The following STOML1 variants were observed in gnomAD, a reference collection of about 807,000 sequenced individuals.
STOML1 encodes stomatin-like protein 1.
In STOML1, 27 loss-of-function variants were observed where a neutral mutation model predicts 35.7. The observed-to-expected ratio is 0.76, with a 90% confidence interval of 0.56 to 1.04. The LOEUF (loss-of-function observed/expected upper bound fraction) is 1.04. Among genes scored for constraint, STOML1 ranks in the 50% least tolerant of loss-of-function variants. The pLI, the probability that STOML1 is intolerant of heterozygous loss-of-function variation, is 0.00. For synonymous variants in STOML1, 219 were observed against 227.9 expected (o/e 0.96, Z 0.35); for missense variants, 451 against 527.1 (o/e 0.86, Z 1.41).
rs1252435123 is a variant in STOML1, at chr15:73,983,663, T to C, written c.*274A>G. On this transcript the variant is annotated 3_prime_UTR_variant, in exon 7 of 7. Transcript: ENST00000541638. ...CAGCAGGGCAGGGCAGGCCTGGCTC[T>C]CCTCCTGGAATCACACCGTGCACCC... 7 of 381,226 alleles carry C rather than the reference T, an allele frequency of 1.8e-5. No homozygotes were observed. Among genetic ancestry groups the C allele is most frequent in the Middle Eastern group, 7.0e-4 (1 of 1,426 alleles). The allele number at this position is 381,226 out of a possible 1,614,324, so 23.6% of individuals were successfully genotyped here. A position where few individuals can be genotyped will look rare whatever the true frequency, so the allele number is the denominator to read the frequency against.
chr15:73,986,458 G>C (rs1403781752), intron 4 of STOML1: 1 of 152,496 alleles, frequency 6.6e-6, no homozygotes, highest in African/African-American at 2.4e-5. Context: ...GCTAGGGCAG[G>C]ACATTGTGAA....
upstream of STOML1, among the ~76,000 whole-genome samples, chr15:73,994,312 T>A (rs1372088801): frequency 1.3e-5 from 2 of 152,214 alleles, no homozygotes; most frequent in Non-Finnish European, 2.9e-5. Context: ...CTGGTGAATT[T>A]CCACTGCTTT....
chr15:73,988,648 G>A lies in STOML1; in HGVS notation c.545C>T (p.Pro182Leu), dbSNP rs778456277. 2.2e-5 allele frequency: 35 copies of A among 1,614,114 alleles called. No individual in the cohort carries two copies. The highest frequency in any genetic ancestry group is 1.6e-4 in the Middle Eastern group (1 of 6,084). The change falls in exon 4 of 7, where the codon CCG (proline) becomes CTG (leucine). Residue 182 changes from proline (P) to leucine (L), a missense_variant. Pro to Leu is a moderately conservative substitution (Grantham distance 98). Transcript: ENST00000541638. The surrounding 1 kb of genome is among the most constrained non-coding windows in gnomAD (Gnocchi z 4.8). ...NAMTKALLKR[P>L]LREIQMEKLK... is the part of the protein sequence containing the mutation. ...CTTCTCCATCTGGATCTCCCGCAGCGGCCTCTTGAGCAGGGCCTTGGTCAT... is the reference window on the plus strand; with the variant it reads ...CTTCTCCATCTGGATCTCCCGCAGCAGCCTCTTGAGCAGGGCCTTGGTCAT...
At position 73,981,436 on chromosome 15, in the gene STOML1, CA is replaced by C. The variant is rs2068959522; in HGVS notation, c.*2500del. On this transcript the variant is annotated 3_prime_UTR_variant, in exon 7 of 7. Transcript: ENST00000541638. ...TTAACTAGGATACTTAAACTATTAT[CA>C]TTATTCACCAGGTTATCTTGAAGAA... 3 of 152,246 alleles carry C rather than the reference CA, an allele frequency of 2.0e-5. No individual in the cohort carries two copies. The highest frequency in any genetic ancestry group is 3.4e-3 in the Middle Eastern group (1 of 294). 9.4% of individuals were successfully genotyped at this position (152,246 alleles called of 1,614,324 possible).
Position 73,984,880 on chromosome 15 carries a change from G to A in STOML1, c.791-9C>T. Reference sequence around the variant, plus strand: ...CATCTCCACGGTGTCTGCTGGGGGTGGCCAACAGGGTTGGGGAAGGAGGCA... The same window carrying A: ...CATCTCCACGGTGTCTGCTGGGGGTAGCCAACAGGGTTGGGGAAGGAGGCA... On this transcript the variant is annotated splice_polypyrimidine_tract_variant and intron_variant, in intron 5 of 6. Transcript: ENST00000541638. 1 of 1,613,666 alleles carries A rather than the reference G, an allele frequency of 6.2e-7. No individual in the cohort carries two copies. The highest frequency in any genetic ancestry group is 1.1e-5 in the South Asian group (1 of 91,078).
At position 73,982,935 on chromosome 15, in the gene STOML1, C is replaced by G. The variant is rs1048662284; in HGVS notation, c.*1002G>C. The G allele has an allele frequency of 6.6e-6, 1 of 152,178 alleles. No homozygotes were observed. Among genetic ancestry groups the G allele is most frequent in the Non-Finnish European group, 1.5e-5 (1 of 68,080 alleles). The allele number at this position is 152,178 out of a possible 1,614,324, so 9.4% of individuals were successfully genotyped here. On this transcript the variant is annotated 3_prime_UTR_variant, in exon 7 of 7. Transcript: ENST00000541638. ...CCTCTCTTGAATGGGATATGACCAC[C>G]CCACCTGCCCCTCAGTGTTTGCAGG...
chr15:73,985,463 C>T lies in STOML1; in HGVS notation c.645G>A (p.Val215=). 1 of 1,545,150 alleles carries T rather than the reference C, an allele frequency of 6.5e-7. No individual in the cohort carries two copies. Among genetic ancestry groups the T allele is most frequent in the Non-Finnish European group, 8.7e-7 (1 of 1,149,302 alleles). The change falls in exon 5 of 7, where the codon GTG becomes GTA. Residue 215 remains valine, a synonymous_variant. Coordinates refer to ENST00000541638, the MANE Select transcript of STOML1 (RefSeq NM_004809.5). ...GGAGCACGGCCTCCACTGCCAGCTC[C>T]ACGCGGTCTACCTCCAGCCCCCAGG... ...TRAWGLEVDR[V]ELAVEAVLQP...
chr15:73,988,875 AC>A lies in STOML1; in HGVS notation c.391-74del. The A allele has an allele frequency of 6.4e-7, 1 of 1,552,990 alleles. No homozygotes were observed. Among genetic ancestry groups the A allele is most frequent in the Non-Finnish European group, 8.7e-7 (1 of 1,144,884 alleles). On this transcript the variant is annotated intron_variant, in intron 3 of 6. Transcript: ENST00000541638. This position sits in a 1 kb window ranked among gnomAD's most constrained non-coding sequence, Gnocchi z 4.8. Reference sequence around the variant, plus strand: ...CAGGGAGGTCAGGCCCACTGGGGCCACCCAGCTTGAACCACCTGCTTGGCAG... The same window carrying A: ...CAGGGAGGTCAGGCCCACTGGGGCCACCAGCTTGAACCACCTGCTTGGCAG...
At position 73,988,181 on chromosome 15, in the gene STOML1, G is replaced by T. The variant is rs2069153014; in HGVS notation, c.594+418C>A. On this transcript the variant is annotated intron_variant, in intron 4 of 6. Transcript: ENST00000541638. The surrounding 1 kb of genome is among the most constrained non-coding windows in gnomAD (Gnocchi z 4.8). ...ACAAGGAAACAAAAATCACAAGCATGCACACGCTGCATGGTGAGCCTGGAA... is the reference window on the plus strand; with the variant it reads ...ACAAGGAAACAAAAATCACAAGCATTCACACGCTGCATGGTGAGCCTGGAA... 1 of 184,964 alleles carries T rather than the reference G, an allele frequency of 5.4e-6. No homozygotes were observed. The highest frequency in any genetic ancestry group is 1.1e-5 in the Non-Finnish European group (1 of 87,506). The allele number at this position is 184,964 out of a possible 1,614,324, so 11.5% of individuals were successfully genotyped here.
At position 73,988,805 on chromosome 15, in the gene STOML1, G is replaced by T; in HGVS notation, c.391-3C>A. On this transcript the variant is annotated splice_region_variant and splice_polypyrimidine_tract_variant and intron_variant, in intron 3 of 6. Coordinates refer to ENST00000541638, the MANE Select transcript of STOML1 (RefSeq NM_004809.5). The surrounding 1 kb of genome is among the most constrained non-coding windows in gnomAD (Gnocchi z 4.8). ...ACAGCCCCGTCCTTAGAGGCCAGCT[G>T]TTGGGGGAGGCCATGAGAGAGAGAC... is the stretch of plus-strand genomic sequence containing the variant. The T allele has an allele frequency of 6.2e-7, 1 of 1,609,098 alleles. No homozygotes were observed. The highest frequency in any genetic ancestry group is 8.5e-7 in the Non-Finnish European group (1 of 1,175,784).
rs2069180030 is a variant in STOML1, at chr15:73,988,933, G to C, written c.391-131C>G. ...CCTCAAGGGCAAATGGTGTCACCAA[G>C]TATGTAGGGTTAGGTGTATGAAGCA... is the stretch of plus-strand genomic sequence containing the variant. On this transcript the variant is annotated intron_variant, in intron 3 of 6. Coordinates refer to ENST00000541638, the MANE Select transcript of STOML1 (RefSeq NM_004809.5). This position sits in a 1 kb window ranked among gnomAD's most constrained non-coding sequence, Gnocchi z 4.8. 2.1e-6 allele frequency: 3 copies of C among 1,433,630 alleles called. No individual in the cohort carries two copies. In the Admixed American group the frequency reaches 6.5e-5, roughly 31 times the overall value. The allele number at this position is 1,433,630 out of a possible 1,614,324, so 88.8% of individuals were successfully genotyped here. A position where few individuals can be genotyped will look rare whatever the true frequency, so the allele number is the denominator to read the frequency against.
At position 73,983,987 on chromosome 15, in the gene STOML1, C is replaced by G. The variant is rs751159750; in HGVS notation, c.1147G>C (p.Asp383His). The change falls in exon 7 of 7, where the codon GAC becomes CAC. Residue 383 changes from aspartate (D) to histidine (H), a missense_variant. Physicochemically the swap from Asp to His is moderately conservative, Grantham distance 81. Transcript: ENST00000541638. ...TCCAGCTTCATGGCCATAGCCAGGT[C>G]GCCCTTCACCTTCAGCCGTCCACTC... ...YMSGRLKVKG[D>H]LAMAMKLEAV... 3.7e-6 allele frequency: 6 copies of G among 1,614,052 alleles called. No homozygotes were observed. The highest frequency in any genetic ancestry group is 5.1e-6 in the Non-Finnish European group (6 of 1,180,014).
At position 73,988,237 on chromosome 15, in the gene STOML1, C is replaced by G; in HGVS notation, c.594+362G>C. On this transcript the variant is annotated intron_variant, in intron 4 of 6. Transcript: ENST00000541638. This position sits in a 1 kb window ranked among gnomAD's most constrained non-coding sequence, Gnocchi z 4.8. ...CAGCAGGTGACTGGGCTGGGAGGGT[C>G]CCTGCTCCATCACCCATCTGCCTGC... 1 of 236,430 alleles carries G rather than the reference C, an allele frequency of 4.2e-6. No individual in the cohort carries two copies. Among genetic ancestry groups the G allele is most frequent in the East Asian group, 1.0e-4 (1 of 9,808 alleles). 14.6% of individuals were successfully genotyped at this position (236,430 alleles called of 1,614,324 possible).
In STOML1 at chr15:73,984,808, C is replaced by G; in HGVS notation, c.854G>C (p.Ser285Thr). The G allele has an allele frequency of 1.2e-6, 2 of 1,614,138 alleles. No individual in the cohort carries two copies. The highest frequency in any genetic ancestry group is 1.7e-6 in the Non-Finnish European group (2 of 1,180,030). Residue 285 changes from serine (S) to threonine (T), a missense_variant, in exon 6 of 7, where the codon AGT becomes ACT. Transcript: ENST00000541638. ...CCCCTCCGCCAGAGGCTGCTTCGGACTGGACCTGGCACCAACTTGAGGGGC... is the reference window on the plus strand; with the variant it reads ...CCCCTCCGCCAGAGGCTGCTTCGGAGTGGACCTGGCACCAACTTGAGGGGC... Reference protein sequence around the residue: ...PPAPQVGARSSPKQPLAEGLL... With the variant: ...PPAPQVGARSTPKQPLAEGLL...
At chr15:73,994,515 C>G (rs997772995), upstream of STOML1, 2 of 497,190 alleles carry the variant, frequency 4.0e-6, no homozygotes, top group African/African-American at 3.8e-5. Flanking sequence ...AGCAGGGCTG[C>G]CCCCCTGCAG....
At position 73,988,197 on chromosome 15, in the gene STOML1, G is replaced by A. The variant is rs954952335; in HGVS notation, c.594+402C>T. The A allele has an allele frequency of 5.1e-6, 1 of 194,992 alleles. No homozygotes were observed. The highest frequency in any genetic ancestry group is 2.3e-5 in the African/African-American group (1 of 43,102). The allele number at this position is 194,992 out of a possible 1,614,324, so 12.1% of individuals were successfully genotyped here. A position where few individuals can be genotyped will look rare whatever the true frequency, so the allele number is the denominator to read the frequency against. On this transcript the variant is annotated intron_variant, in intron 4 of 6. Coordinates refer to ENST00000541638, the MANE Select transcript of STOML1 (RefSeq NM_004809.5). This position sits in a 1 kb window ranked among gnomAD's most constrained non-coding sequence, Gnocchi z 4.8. ...CACAAGCATGCACACGCTGCATGGTGAGCCTGGAATTCCCCAGCAGGTGAC... is the reference window on the plus strand; with the variant it reads ...CACAAGCATGCACACGCTGCATGGTAAGCCTGGAATTCCCCAGCAGGTGAC...
intron 1 of STOML1, among the ~76,000 whole-genome samples, chr15:73,991,354 G>C (rs560781742): frequency 3.3e-5 from 5 of 152,210 alleles, no homozygotes; most frequent in Non-Finnish European, 7.3e-5. Flanking sequence ...GGAAGCAGTC[G>C]GGAGCCCTGC....
rs886690949 is a variant in STOML1, at chr15:73,992,295, C to T, written c.-72G>A. On this transcript the variant is annotated 5_prime_UTR_variant, in exon 1 of 7. Transcript: ENST00000541638. Reference sequence around the variant, plus strand: ...CTGGCCAGTGGGCCCTACGCGGCCCCGCCCTCCTGGCTGCTGCTTCCGGCT... The same window carrying T: ...CTGGCCAGTGGGCCCTACGCGGCCCTGCCCTCCTGGCTGCTGCTTCCGGCT... The T allele has an allele frequency of 1.3e-6, 2 of 1,485,850 alleles. No individual in the cohort carries two copies. The highest frequency in any genetic ancestry group is 1.5e-5 in the African/African-American group (1 of 67,528). The allele number at this position is 1,485,850 out of a possible 1,614,324, so 92.0% of individuals were successfully genotyped here. A position where few individuals can be genotyped will look rare whatever the true frequency, so the allele number is the denominator to read the frequency against.
chr15:73,990,931 A>G, intron 1 of STOML1: 1 of 1,515,146 alleles, frequency 6.6e-7, no homozygotes, highest in Non-Finnish European at 8.8e-7. Context: ...GTCCTTATGA[A>G]GATGATGCCT....
Sources: gnomAD v4.1 joint callset for allele counts (sites outside exome capture counted in the v4.1 genomes callset) on GRCh38, gnomAD v4.1.1 for gene constraint, Gnocchi (gnomAD v3.1) non-coding constraint, MANE v1.5 for transcripts, NCBI Gene and HGNC (gene_info 2026-07-23, HGNC 2026-07-21) for gene names.